TASP1: variants seen among roughly 807,000 people sequenced by gnomAD.
The protein encoded by TASP1 is taspase 1.
Under a neutral mutation model 56.6 loss-of-function variants are expected in TASP1, and 16 were observed. The observed-to-expected ratio is 0.28, with a 90% CI of 0.19 to 0.43. The LOEUF is 0.43. TASP1 is among the 20% of genes least tolerant of loss of function. The probability of loss-of-function intolerance (pLI) is 1.00; values close to 1 mark genes in which losing one functional copy is unlikely to be tolerated. For missense variants in TASP1, 393 were observed against 511.6 expected, an observed-to-expected ratio of 0.77 and a Z score of 2.24; for synonymous variants, 179 against 184.2, an observed-to-expected ratio of 0.97 and a Z score of 0.23.
At chr20:13,547,893 T>C (rs1472424887) in intron 8 of TASP1, among the ~76,000 whole-genome samples, 1 of 152,178 alleles carries the variant, frequency 6.6e-6, no homozygotes, top group African/African-American at 2.4e-5. Context: ...ATACAATAGC[T>C]GTCCTCCTGG....
chr20:13,310,694 T>C, the TASP1 span, among the ~76,000 whole-genome samples: 1 of 152,190 alleles, frequency 6.6e-6, no homozygotes, highest in East Asian at 1.9e-4. Context: ...TAATCCGAAA[T>C]ACATAAAAAA....
the TASP1 span, among the ~76,000 whole-genome samples, chr20:13,319,156 A>G: frequency 6.6e-5 from 10 of 152,042 alleles, no homozygotes; most frequent in Admixed American, 5.2e-4. Context: ...CTTCTGTTCA[A>G]TTTCGTTATG....
chr20:13,540,573 T>C lies in TASP1; in HGVS notation c.676-6432A>G, dbSNP rs144994874. 1.5e-4 allele frequency among the ~76,000 whole-genome samples: 23 copies of C among 152,324 alleles called. 2 individuals are homozygous for C. Among genetic ancestry groups the C allele is most frequent in the Middle Eastern group, 3.4e-3 (1 of 294 alleles). On this transcript the variant is annotated intron_variant, in intron 8 of 13. Transcript: ENST00000337743. The stretch of plus-strand genomic sequence containing the variant: ...TTGCTGAGCAATAAAAAGGAGCCCA[T>C]GCTATATGTAACAATATGAATAATC...
chr20:13,605,516 A>G (rs965455163), intron 4 of TASP1, among the ~76,000 whole-genome samples: 7 of 152,044 alleles, frequency 4.6e-5, no homozygotes, highest in Non-Finnish European at 8.8e-5. Flanking sequence ...CATCTCTCCA[A>G]AAATTTTTTT....
intron 4 of TASP1, among the ~76,000 whole-genome samples, chr20:13,596,198 C>A (rs1323153607): frequency 6.6e-6 from 1 of 151,940 alleles, no homozygotes; most frequent in Non-Finnish European, 1.5e-5. Flanking sequence ...CATGGAGAAA[C>A]CCCATCTCTA....
chr20:13,431,194 C>T (rs909857522), intron 12 of TASP1, among the ~76,000 whole-genome samples: 5 of 151,672 alleles, frequency 3.3e-5, no homozygotes, highest in African/African-American at 9.7e-5. Flanking sequence ...GAGCTTTCCT[C>T]GTTACTAGAA....
chr20:13,391,766 G>A (rs955858893), intron 13 of TASP1, among the ~76,000 whole-genome samples: 1 of 151,964 alleles, frequency 6.6e-6, no homozygotes, highest in Non-Finnish European at 1.5e-5. Context: ...AGGAGATAGA[G>A]ACCATCCTGG....
chr20:13,270,614 A>T, the TASP1 span: 1 of 1,613,988 alleles, frequency 6.2e-7, no homozygotes, highest in South Asian at 1.1e-5. Context: ...CCTTCCCCAG[A>T]CCGCGATTCC....
At chr20:13,263,355 A>G in the TASP1 span, among the ~76,000 whole-genome samples, 1 of 131,680 alleles carries the variant, frequency 7.6e-6, no homozygotes, top group East Asian at 2.2e-4. Context: ...CCCTGCTTCC[A>G]CTCCTAGGAT....
chr20:13,280,406 T>C, the TASP1 span, among the ~76,000 whole-genome samples: 1 of 126,652 alleles, frequency 7.9e-6, no homozygotes, highest in Non-Finnish European at 1.7e-5. Context: ...CCCCCCCCAA[T>C]ACATTTCAAA....
chr20:13,547,035 T>C (rs1366311263), intron 8 of TASP1, among the ~76,000 whole-genome samples: 2 of 152,210 alleles, frequency 1.3e-5, no homozygotes, highest in Non-Finnish European at 2.9e-5. Context: ...AATATCATTA[T>C]ATGGGTTTTC....
chr20:13,394,573 C>T (rs748581743), intron 13 of TASP1, among the ~76,000 whole-genome samples: 14 of 151,638 alleles, frequency 9.2e-5, no homozygotes, highest in Non-Finnish European at 1.9e-4. Context: ...GATCGCGCCA[C>T]TGCATTCCAG....
At chr20:13,160,213 G>A in the TASP1 span, 13 of 1,461,610 alleles carry the variant, frequency 8.9e-6, no homozygotes, top group Non-Finnish European at 1.2e-5. Context: ...ACAGCTTGGG[G>A]TTCTCTGGGT....
chr20:13,471,841 C>T (rs188480178), intron 11 of TASP1, among the ~76,000 whole-genome samples: 3 of 152,202 alleles, frequency 2.0e-5, no homozygotes, highest in East Asian at 1.9e-4. Context: ...GTGCAGACCA[C>T]GGAGGGAGAG....
chr20:13,425,248 G>A (rs1600749799), intron 12 of TASP1, among the ~76,000 whole-genome samples: 3 of 152,242 alleles, frequency 2.0e-5, no homozygotes, highest in South Asian at 4.1e-4. Flanking sequence ...CCAGCTTTAT[G>A]GGTTAAAAGA....
chr20:13,630,643 C>A (rs1344403229), intron 1 of TASP1, among the ~76,000 whole-genome samples: 2 of 134,312 alleles, frequency 1.5e-5, no homozygotes, highest in Admixed American at 8.3e-5. Flanking sequence ...GAGCCGAGAT[C>A]GCACCACTAC....
the TASP1 span, among the ~76,000 whole-genome samples, chr20:13,341,147 G>A: frequency 6.6e-6 from 1 of 152,174 alleles, no homozygotes; most frequent in Admixed American, 6.5e-5. Flanking sequence ...AGGTCACCAA[G>A]ACTGAGCATA....
chr20:13,629,960 C>T lies in TASP1; in HGVS notation c.119G>A (p.Arg40Gln), dbSNP rs376452375. The T allele has an allele frequency of 2.0e-5, 33 of 1,613,730 alleles. No homozygotes were observed. Among genetic ancestry groups the T allele is most frequent in the East Asian group, 4.5e-5 (2 of 44,856 alleles). ...TGCATGCACCAACACAAAGCCTCCTCGTTTCTCTTTATAGGACTGCTTTGT... is the reference window on the plus strand; with the variant it reads ...TGCATGCACCAACACAAAGCCTCCTTGTTTCTCTTTATAGGACTGCTTTGT... ...LETKQSYKEK[R>Q]GGFVLVHAGA... is the part of the protein sequence containing the mutation. The change falls in exon 2 of 14, where the codon CGA becomes CAA. Residue 40 changes from arginine to glutamine, a missense_variant. Physicochemically the swap from Arg to Gln is conservative, Grantham distance 43. This residue lies in a region of TASP1 where 52 missense variants were observed against 51.1 expected (regional missense o/e 1.02). Transcript: ENST00000337743.
intron 4 of TASP1, among the ~76,000 whole-genome samples, chr20:13,591,618 T>G (rs927974318): frequency 6.6e-6 from 1 of 152,160 alleles, no homozygotes; most frequent in Non-Finnish European, 1.5e-5. Context: ...AGACACCACA[T>G]GTAAATCTGG....
Sources: gnomAD v4.1 joint callset for allele counts (sites outside exome capture counted in the v4.1 genomes callset) on GRCh38, gnomAD v4.1.1 for gene constraint, gnomAD v4.1.1 regional missense constraint, MANE v1.5 for transcripts, NCBI Gene and HGNC (gene_info 2026-07-23, HGNC 2026-07-21) for gene names.